Variants in OTOGL observed in about 807,000 individuals in gnomAD.
The protein encoded by OTOGL is otogelin-like protein.
Under a neutral mutation model 318.5 loss-of-function variants are expected in OTOGL, and 285 were observed. That is an observed-to-expected ratio of 0.89 (90% CI 0.81 to 0.99). The LOEUF (loss-of-function observed/expected upper bound fraction) is 0.99, where lower values mean the gene tolerates loss of function less well. OTOGL is among the 50% of genes least tolerant of loss of function. The pLI, the probability that OTOGL is intolerant of heterozygous loss-of-function variation, is 0.00. For missense variants in OTOGL, 2,899 were observed against 2,845.6 expected (o/e 1.02, Z -0.43); for synonymous variants, 987 against 936.5 (o/e 1.05, Z -0.99).
At chr12:80,243,934 T>C (rs563176115) in intron 11 of OTOGL, among the ~76,000 whole-genome samples, 4 of 150,080 alleles carry the variant, frequency 2.7e-5, no homozygotes, top group Non-Finnish European at 5.9e-5. Context: ...GGAGCCGGTT[T>C]ACATTTCCTT....
intron 26 of OTOGL, among the ~76,000 whole-genome samples, chr12:80,280,808 G>A (rs577163063): frequency 2.6e-5 from 4 of 151,678 alleles, no homozygotes; most frequent in Admixed American, 6.6e-5. Flanking sequence ...TAACAATATC[G>A]ATTCTTCCTA....
In OTOGL at chr12:80,356,913, T is replaced by G; in HGVS notation, c.6018T>G (p.Cys2006Trp). Residue 2006 changes from cysteine to tryptophan, a missense_variant and splice_region_variant, in exon 49 of 59, where the codon TGT (cysteine) becomes TGG (tryptophan). By Grantham distance (215) the Cys-to-Trp change is radical. Coordinates refer to ENST00000547103, the MANE Select transcript of OTOGL (RefSeq NM_001378609.3). ...QEEPCCFSPF[C>W]VCESCTKPVP... is the part of the protein sequence containing the mutation. ...AACCTTGTTGTTTTTCCCCTTTTTGTGGTGAGTATTGTAGAGATAATTTCT... is the reference window on the plus strand; with the variant it reads ...AACCTTGTTGTTTTTCCCCTTTTTGGGGTGAGTATTGTAGAGATAATTTCT... The G allele has an allele frequency of 6.4e-7, 1 of 1,573,392 alleles. No homozygotes were observed. Among genetic ancestry groups the G allele is most frequent in the Non-Finnish European group, 8.6e-7 (1 of 1,156,222 alleles).
intron 1 of OTOGL, among the ~76,000 whole-genome samples, chr12:80,149,384 G>T (rs1395112383): frequency 2.0e-5 from 3 of 151,748 alleles, no homozygotes; most frequent in Non-Finnish European, 2.9e-5. Context: ...GGGGCCAGGG[G>T]TCAGGGGTCA....
chr12:80,195,861 G>C (rs1012101967), intron 1 of OTOGL, among the ~76,000 whole-genome samples: 2 of 152,118 alleles, frequency 1.3e-5, no homozygotes, highest in African/African-American at 4.8e-5. Flanking sequence ...TACAAAGTAG[G>C]GTCCTCCCCT....
At chr12:80,263,584 A>G (rs972135707) in intron 19 of OTOGL, among the ~76,000 whole-genome samples, 1 of 152,044 alleles carries the variant, frequency 6.6e-6, no homozygotes, top group Admixed American at 6.6e-5. Context: ...CCTGTGAACT[A>G]CCCACATTAA....
chr12:80,161,003 C>A (rs1207700068), intron 1 of OTOGL, among the ~76,000 whole-genome samples: 1 of 151,734 alleles, frequency 6.6e-6, no homozygotes, highest in African/African-American at 2.4e-5. Flanking sequence ...ACATTGTGTG[C>A]TCTTATTCAT....
chr12:80,355,952 T>C lies in OTOGL; in HGVS notation c.5806+4T>C, dbSNP rs943264921. The stretch of plus-strand genomic sequence containing the variant: ...TGCTGTTCAAAGGAAGTTTGTGGTA[T>C]GTATGCAGAAGCCTTATAGTCAATT... On this transcript the variant is annotated splice_donor_region_variant and intron_variant, in intron 47 of 58. Transcript: ENST00000547103. 2 of 1,613,170 alleles carry C rather than the reference T, an allele frequency of 1.2e-6. No individual in the cohort carries two copies. The highest frequency in any genetic ancestry group is 1.3e-5 in the African/African-American group (1 of 74,908).
rs1246867566 is a variant in OTOGL, at chr12:80,336,163, G to A, written c.4600+23G>A. 5 of 1,524,158 alleles carry A rather than the reference G, an allele frequency of 3.3e-6. No homozygotes were observed. In the South Asian group the frequency reaches 5.1e-5, roughly 16 times the overall value. The allele number at this position is 1,524,158 out of a possible 1,614,324, so 94.4% of individuals were successfully genotyped here. A position where few individuals can be genotyped will look rare whatever the true frequency, so the allele number is the denominator to read the frequency against. On this transcript the variant is annotated intron_variant, in intron 39 of 58. Coordinates refer to ENST00000547103, the MANE Select transcript of OTOGL (RefSeq NM_001378609.3). Reference sequence around the variant, plus strand: ...CTTGTAAGTTTGCATTTCTTAAGCGGTGATCTTTTTTTTTTTTTTTTAATC... The same window carrying A: ...CTTGTAAGTTTGCATTTCTTAAGCGATGATCTTTTTTTTTTTTTTTTAATC...
intron 9 of OTOGL, among the ~76,000 whole-genome samples, chr12:80,236,066 C>A (rs1403876126): frequency 6.6e-6 from 1 of 152,166 alleles, no homozygotes; most frequent in Non-Finnish European, 1.5e-5. Context: ...TGCATAGTTT[C>A]TTAATGGTGA....
intron 44 of OTOGL, among the ~76,000 whole-genome samples, chr12:80,344,905 T>C (rs1889062654): frequency 6.7e-6 from 1 of 149,824 alleles, no homozygotes; most frequent in Admixed American, 6.7e-5. Context: ...AGTTTGAATA[T>C]CTTTCAACAA....
chr12:80,280,944 T>G (rs28835930), intron 26 of OTOGL, among the ~76,000 whole-genome samples: 31,363 of 151,562 alleles, frequency 0.21, 4,132 homozygotes, highest in African/African-American at 0.37. Flanking sequence ...TATTTTTTTT[T>G]TGTGTGTATG....
At chr12:80,148,856 G>C (rs1483120231) in intron 1 of OTOGL, among the ~76,000 whole-genome samples, 1 of 152,106 alleles carries the variant, frequency 6.6e-6, no homozygotes, top group East Asian at 1.9e-4. Flanking sequence ...CAGCTCCTGA[G>C]GCTTCTGCAT....
At chr12:80,236,145 G>A (rs922255895) in intron 9 of OTOGL, among the ~76,000 whole-genome samples, 7 of 152,126 alleles carry the variant, frequency 4.6e-5, no homozygotes, top group Non-Finnish European at 7.3e-5. Flanking sequence ...AATTAGACTT[G>A]TCAGAATTTC....
intron 1 of OTOGL, among the ~76,000 whole-genome samples, chr12:80,129,036 C>A (rs1264211595): frequency 6.6e-6 from 1 of 152,188 alleles, no homozygotes; most frequent in African/African-American, 2.4e-5. Flanking sequence ...CGGTGCACTG[C>A]ACCCACTGTC....
chr12:80,327,373 C>A (rs1339124562), intron 35 of OTOGL, among the ~76,000 whole-genome samples: 1 of 152,156 alleles, frequency 6.6e-6, no homozygotes, highest in Non-Finnish European at 1.5e-5. Context: ...GAAATAGAAT[C>A]TTTTCAGGCT....
Position 80,350,100 on chromosome 12 carries a change from T to A in OTOGL, c.5266-2195T>A, listed in dbSNP as rs146266509. Among the ~76,000 whole-genome samples the A allele has an allele frequency of 8.0e-3, 1,211 of 152,316 alleles. 19 individuals are homozygous for A. Among genetic ancestry groups the A allele is most frequent in the Non-Finnish European group, 8.4e-3 (572 of 68,004 alleles). The stretch of plus-strand genomic sequence containing the variant: ...GTCCCTGGTAACCATAATTCCTTGC[T>A]CAATTCTATAAGATCAACTTTTTTA... On this transcript the variant is annotated intron_variant, in intron 44 of 58. Coordinates refer to ENST00000547103, the MANE Select transcript of OTOGL (RefSeq NM_001378609.3).
In OTOGL at chr12:80,282,327, T is replaced by C. The variant is rs1884292587; in HGVS notation, c.2928+3161T>C. On this transcript the variant is annotated intron_variant, in intron 26 of 58. Coordinates refer to ENST00000547103, the MANE Select transcript of OTOGL (RefSeq NM_001378609.3). The stretch of plus-strand genomic sequence containing the variant: ...CAGACTATCTTCTATTTTATATTAG[T>C]TCTGTTACATAAAAAATGAATAGTA... Among the ~76,000 whole-genome samples the C allele has an allele frequency of 2.0e-5, 3 of 151,916 alleles. No homozygotes were observed. The South Asian group carries it at 6.2e-4, about 31-fold the overall frequency.
chr12:80,256,562 C>T, intron 17 of OTOGL, 102 bp downstream of exon 17: 1 of 1,416,566 alleles, frequency 7.1e-7, no homozygotes, highest in Non-Finnish European at 9.4e-7. Context: ...TAATGTTAGG[C>T]TGACTACCTA....
At chr12:80,302,539 A>G in intron 27 of OTOGL, 95 bp from the exon 28 acceptor site, 2 of 841,476 alleles carry the variant, frequency 2.4e-6, no homozygotes, top group Non-Finnish European at 1.6e-6. Context: ...ATTAGTACAT[A>G]AATAGTTGTT....
Sources: allele counts gnomAD v4.1 joint callset (sites outside exome capture counted in the v4.1 genomes callset), GRCh38; gene constraint gnomAD v4.1.1; transcripts MANE v1.5; gene names NCBI Gene and HGNC (gene_info 2026-07-23, HGNC 2026-07-21).